HCN1: variants seen among roughly 807,000 people sequenced by gnomAD.
The protein encoded by HCN1 is hyperpolarization activated cyclic nucleotide gated potassium channel 1.
Under a neutral mutation model 78.9 loss-of-function variants are expected in HCN1, and 13 were observed. The ratio of observed to expected loss-of-function variants is 0.16; its 90% confidence interval spans 0.11 to 0.26. The LOEUF (loss-of-function observed/expected upper bound fraction) is 0.26. HCN1 is among the 10% of genes least tolerant of loss of function. The pLI is 1.00. For missense variants in HCN1, 810 were observed against 1,154.3 expected (o/e 0.70, Z 4.32); for synonymous variants, 552 against 455.5 (o/e 1.21, Z -2.70).
At chr5:45,566,521 G>A (rs1393199358) in intron 2 of HCN1, among the ~76,000 whole-genome samples, 4 of 152,042 alleles carry the variant, frequency 2.6e-5, no homozygotes, top group African/African-American at 9.7e-5. Flanking sequence ...AAGGGCAGCT[G>A]CAGCTTTATA....
intron 5 of HCN1, among the ~76,000 whole-genome samples, chr5:45,306,410 CT>C (rs1745735581): frequency 6.6e-6 from 1 of 151,978 alleles, no homozygotes; most frequent in African/African-American, 2.4e-5. Flanking sequence ...TTAGAACTCC[CT>C]TTATTATAAC....
intron 4 of HCN1, among the ~76,000 whole-genome samples, chr5:45,364,537 C>T (rs986791844): frequency 8.5e-5 from 13 of 152,068 alleles, no homozygotes; most frequent in Admixed American, 3.9e-4. Context: ...GCACATCAAA[C>T]GCAAAATTGA....
Position 45,548,227 on chromosome 5 carries a change from T to C in HCN1, c.850-86220A>G, listed in dbSNP as rs188920519. 3.3e-5 allele frequency among the ~76,000 whole-genome samples: 5 copies of C among 152,066 alleles called. No homozygotes were observed. In the East Asian group the frequency reaches 7.8e-4, roughly 24 times the overall value. ...AACTTATAAACTTAAAAAAAACACATACTTTCTGTATTACTTTACTTTTTT... is the reference window on the plus strand; with the variant it reads ...AACTTATAAACTTAAAAAAAACACACACTTTCTGTATTACTTTACTTTTTT... On this transcript the variant is annotated intron_variant, in intron 2 of 7. Transcript: ENST00000303230.
intron 1 of HCN1, among the ~76,000 whole-genome samples, chr5:45,667,546 G>A (rs1267639413): frequency 6.6e-6 from 1 of 151,954 alleles, no homozygotes; most frequent in African/African-American, 2.4e-5. Flanking sequence ...CTATAGGTTT[G>A]GGAAAATATT....
At chr5:45,552,885 A>T (rs1477750880) in intron 2 of HCN1, among the ~76,000 whole-genome samples, 2 of 151,968 alleles carry the variant, frequency 1.3e-5, no homozygotes, top group Non-Finnish European at 2.9e-5. Context: ...CACTGGGAAT[A>T]CGAAATCTTT....
At position 45,513,130 on chromosome 5, in the gene HCN1, AC is replaced by A. The variant is rs76330603; in HGVS notation, c.850-51124del. Among the ~76,000 whole-genome samples, 267 of 152,218 alleles carry A rather than the reference AC, an allele frequency of 1.8e-3. 5 individuals are homozygous for A. In the East Asian group the frequency reaches 0.019, roughly 11 times the overall value. ...ATATGCACAATACACATATGGCAAA[AC>A]CCCTAGATTTTGGCATTACCAGTAA... On this transcript the variant is annotated intron_variant, in intron 2 of 7. Transcript: ENST00000303230.
chr5:45,380,971 C>T (rs1016340177), intron 4 of HCN1, among the ~76,000 whole-genome samples: 7 of 152,098 alleles, frequency 4.6e-5, no homozygotes, highest in African/African-American at 1.7e-4. Context: ...TGATAATTAG[C>T]ATCTATCTTC....
intron 4 of HCN1, among the ~76,000 whole-genome samples, chr5:45,355,546 G>A (rs1746991179): frequency 1.3e-5 from 2 of 151,828 alleles, no homozygotes; most frequent in African/African-American, 2.4e-5. Context: ...TGAGCGTGGG[G>A]GAAACAAAGT....
In HCN1 at chr5:45,303,903, GCT is replaced by G. The variant is rs769863730; in HGVS notation, c.1378-66_1378-65del. 163 of 1,429,774 alleles carry G rather than the reference GCT, an allele frequency of 1.1e-4. 1 individual carries two copies. The highest frequency in any genetic ancestry group is 1.5e-4 in the Non-Finnish European group (157 of 1,014,666). 88.6% of individuals were successfully genotyped at this position (1,429,774 alleles called of 1,614,324 possible). A position where few individuals can be genotyped will look rare whatever the true frequency, so the allele number is the denominator to read the frequency against. On this transcript the variant is annotated intron_variant, in intron 5 of 7. Coordinates refer to ENST00000303230, the MANE Select transcript of HCN1 (RefSeq NM_021072.4). ...TTAATCATATCTGGAAGAAAAACAT[GCT>G]GAAATTTAAAATATATACAGCATAA...
intron 3 of HCN1, among the ~76,000 whole-genome samples, chr5:45,453,259 A>T (rs959165413): frequency 2.0e-5 from 3 of 152,124 alleles, no homozygotes; most frequent in Admixed American, 2.0e-4. Flanking sequence ...AGTAGAAACT[A>T]TTAGTCTGCT....
intron 1 of HCN1, among the ~76,000 whole-genome samples, chr5:45,684,795 G>A (rs1275071236): frequency 6.6e-6 from 1 of 152,170 alleles, no homozygotes; most frequent in African/African-American, 2.4e-5. Context: ...CCAGGAGGCG[G>A]AGGTTGCAGT....
chr5:45,310,471 T>C (rs1252554169), intron 5 of HCN1, among the ~76,000 whole-genome samples: 1 of 152,128 alleles, frequency 6.6e-6, no homozygotes, highest in Non-Finnish European at 1.5e-5. Flanking sequence ...TGATATACCA[T>C]CTCACATCAG....
intron 3 of HCN1, among the ~76,000 whole-genome samples, chr5:45,420,275 C>A (rs1397113069): frequency 1.3e-5 from 2 of 152,110 alleles, no homozygotes; most frequent in African/African-American, 4.8e-5. Context: ...TATCAATATT[C>A]ATCCTTATTC....
chr5:45,592,176 T>C (rs1027449775), intron 2 of HCN1, among the ~76,000 whole-genome samples: 2 of 152,196 alleles, frequency 1.3e-5, no homozygotes, highest in African/African-American at 2.4e-5. Context: ...GCCACTACCA[T>C]ACTATATTAA....
At chr5:45,285,619 A>G (rs1281983987) in intron 6 of HCN1, among the ~76,000 whole-genome samples, 1 of 151,902 alleles carries the variant, frequency 6.6e-6, no homozygotes, top group Non-Finnish European at 1.5e-5. Flanking sequence ...CCTGAGAAAA[A>G]TTTCAAGATT....
intron 2 of HCN1, among the ~76,000 whole-genome samples, chr5:45,485,278 T>C (rs1026452371): frequency 6.6e-6 from 1 of 152,208 alleles, no homozygotes; most frequent in South Asian, 2.1e-4. Flanking sequence ...CTCATTTTAG[T>C]TCTTCCTACT....
At chr5:45,330,091 G>C (rs575657568) in intron 5 of HCN1, among the ~76,000 whole-genome samples, 2 of 151,210 alleles carry the variant, frequency 1.3e-5, no homozygotes, top group Non-Finnish European at 3.0e-5. Context: ...TTTCTCAAAG[G>C]TTTAATTCTT....
At chr5:45,452,213 A>C (rs1435627427) in intron 3 of HCN1, among the ~76,000 whole-genome samples, 1 of 152,024 alleles carries the variant, frequency 6.6e-6, no homozygotes, top group Non-Finnish European at 1.5e-5. Flanking sequence ...TATGCATGAA[A>C]TATGAGATAC....
chr5:45,646,313 C>A (rs1180512553), intron 1 of HCN1, among the ~76,000 whole-genome samples: 2 of 150,924 alleles, frequency 1.3e-5, no homozygotes, highest in African/African-American at 4.9e-5. Context: ...CTCTATTGAA[C>A]AACTACTTCA....
Sources: gnomAD v4.1 joint callset for allele counts (sites outside exome capture counted in the v4.1 genomes callset) on GRCh38, gnomAD v4.1.1 for gene constraint, MANE v1.5 for transcripts, NCBI Gene and HGNC (gene_info 2026-07-23, HGNC 2026-07-21) for gene names.